REV3L: variants seen among roughly 807,000 people sequenced by gnomAD.
REV3L encodes DNA polymerase zeta catalytic subunit.
Under a neutral mutation model 299.4 loss-of-function variants are expected in REV3L, and 69 were observed. The ratio of observed to expected loss-of-function variants is 0.23; its 90% CI spans 0.19 to 0.28. The LOEUF is 0.28. Among genes scored for constraint, REV3L ranks in the 10% least tolerant of loss-of-function variants. REV3L has a pLI of 1.00. For synonymous variants in REV3L, 1,238 were observed against 1,271.4 expected (o/e 0.97, Z 0.56); for missense variants, 3,128 against 3,693.8 (o/e 0.85, Z 3.97).
At position 111,387,803 on chromosome 6, in the gene REV3L, T is replaced by G. The variant is rs139443633; in HGVS notation, c.1058A>C (p.Asn353Thr). ...SPEMLQCTPA[N>T]MVEVHKDKES... ...TTTGTCTTTGTGAACTTCTACCATA[T>G]TGGCTGGTGTACACTGAAGCATTTC... The change falls in exon 9 of 32, where the codon AAT (asparagine) becomes ACT (threonine). Residue 353 changes from asparagine to threonine, a missense_variant. By Grantham distance (65) the Asn-to-Thr change is moderately conservative (BLOSUM62 0). This residue lies in a region of REV3L where 2,409 missense variants were observed against 2,611.8 expected (regional missense o/e 0.92). Transcript: ENST00000368802. 1.5e-4 allele frequency: 247 copies of G among 1,613,982 alleles called. No individual in the cohort carries two copies. The highest frequency in any genetic ancestry group is 2.0e-4 in the Non-Finnish European group (233 of 1,179,920).
chr6:111,358,620 T>C (rs1397741853), intron 17 of REV3L, among the ~76,000 whole-genome samples: 1 of 152,144 alleles, frequency 6.6e-6, no homozygotes, highest in Non-Finnish European at 1.5e-5. Flanking sequence ...CAGGCACCAC[T>C]GTGCCTGGCT....
chr6:111,336,298 C>T (rs531218560), intron 21 of REV3L, among the ~76,000 whole-genome samples: 3 of 151,814 alleles, frequency 2.0e-5, no homozygotes, highest in Non-Finnish European at 4.4e-5. Context: ...GTAAAAATGA[C>T]CCAGAAGTAT....
chr6:111,385,476 G>A (rs932641593), intron 9 of REV3L, among the ~76,000 whole-genome samples: 1 of 152,048 alleles, frequency 6.6e-6, no homozygotes. Flanking sequence ...GTAAGCACAC[G>A]TAAGCCTTAA....
chr6:111,333,451 C>T, intron 22 of REV3L, 84 bp from the exon 23 acceptor site: 6 of 1,493,092 alleles, frequency 4.0e-6, no homozygotes, highest in Non-Finnish European at 5.4e-6. Flanking sequence ...TGAGGATAAT[C>T]TGCTTTTCAG....
intron 15 of REV3L, 88 bp downstream of exon 15, chr6:111,365,173 TTTAA>T: frequency 1.2e-6 from 1 of 852,372 alleles, no homozygotes. Flanking sequence ...ACCAAAATTT[TTTAA>T]TTGAGACAAA....
At chr6:111,314,669 T>A (rs1206742506) in intron 27 of REV3L, among the ~76,000 whole-genome samples, 2 of 152,156 alleles carry the variant, frequency 1.3e-5, no homozygotes, top group East Asian at 3.8e-4. Context: ...TTGCACCCTG[T>A]CTGCATTCCT....
chr6:111,339,693 T>C (rs1298604119), intron 21 of REV3L, among the ~76,000 whole-genome samples: 3 of 152,282 alleles, frequency 2.0e-5, no homozygotes, highest in African/African-American at 7.2e-5. Flanking sequence ...TAGGCATGAA[T>C]ATAAAAAATA....
At chr6:111,301,505 C>CA (rs201406131) in intron 31 of REV3L, among the ~76,000 whole-genome samples, 1,625 of 124,812 alleles carry the variant, frequency 0.013, 8 homozygotes, top group Middle Eastern at 0.024. Context: ...TGTAAAATTT[C>CA]AAAAAAAAAA....
At chr6:111,415,988 T>C (rs534027468) in intron 2 of REV3L, among the ~76,000 whole-genome samples, 1 of 152,338 alleles carries the variant, frequency 6.6e-6, no homozygotes, top group East Asian at 1.9e-4. Context: ...AGAACAGTGC[T>C]TAGCACATAA....
chr6:111,306,188 T>G (rs1772263315), intron 31 of REV3L, among the ~76,000 whole-genome samples: 1 of 152,038 alleles, frequency 6.6e-6, no homozygotes, highest in South Asian at 2.1e-4. Flanking sequence ...AGGAGCCTAC[T>G]GCAAGGAAGG....
intron 1 of REV3L, among the ~76,000 whole-genome samples, chr6:111,455,945 T>C (rs1251511592): frequency 6.6e-6 from 1 of 152,212 alleles, no homozygotes; most frequent in African/African-American, 2.4e-5. Flanking sequence ...AGATAGAGCA[T>C]CATATCGAAA....
At chr6:111,411,427 T>C (rs1263634035) in intron 3 of REV3L, 53 bp downstream of exon 3, 3 of 1,175,664 alleles carry the variant, frequency 2.6e-6, no homozygotes, top group Non-Finnish European at 3.6e-6. Flanking sequence ...TTTTTTATTA[T>C]TAAAATACTT....
At position 111,377,749 on chromosome 6, in the gene REV3L, C is replaced by T; in HGVS notation, c.1549G>A (p.Ala517Thr). 1 of 1,613,878 alleles carries T rather than the reference C, an allele frequency of 6.2e-7. No homozygotes were observed. Among genetic ancestry groups the T allele is most frequent in the Non-Finnish European group, 8.5e-7 (1 of 1,179,892 alleles). The change falls in exon 12 of 32, where the codon GCC (alanine) becomes ACC (threonine). Residue 517 changes from alanine to threonine, a missense_variant. This residue lies in a region of REV3L where 2,409 missense variants were observed against 2,611.8 expected (regional missense o/e 0.92). Transcript: ENST00000368802. ...TCTAACTGAGGTATAGAAAGACTGG[C>T]TAGAAGCAAACTGTTATCACTCCAT... ...MEWSDNSLLL[A>T]SLSIPQLDGT...
At chr6:111,331,023 TCTA>T in intron 24 of REV3L, 2 of 985,074 alleles carry the variant, frequency 2.0e-6, no homozygotes, top group Non-Finnish European at 2.4e-6. Context: ...CATCAACCAC[TCTA>T]CTGTCTCATG....
rs572877932 is a variant in REV3L at position 111,343,510 on chromosome 6, T to C, written c.7538+415A>G. ...AAGATAAATGCATTTTTCAAAGTCA[T>C]TGAACAATAATACACTTTATTTATT... On this transcript the variant is annotated intron_variant, in intron 21 of 31. Transcript: ENST00000368802. Among the ~76,000 whole-genome samples the C allele has an allele frequency of 2.1e-4, 32 of 152,316 alleles. 1 individual carries two copies. In the South Asian group the frequency reaches 2.7e-3, roughly 13 times the overall value.
chr6:111,470,192 AC>A (rs1562363324), intron 1 of REV3L, among the ~76,000 whole-genome samples: 2 of 38,406 alleles, frequency 5.2e-5, no homozygotes, highest in Admixed American at 6.0e-4. Context: ...ACACACACAC[AC>A]ACACACACAC....
At chr6:111,433,266 T>A (rs199697047) in intron 1 of REV3L, among the ~76,000 whole-genome samples, 22 of 151,752 alleles carry the variant, frequency 1.4e-4, no homozygotes, top group Admixed American at 3.9e-4. Context: ...TTGTTTTTTT[T>A]AAAAAGACAA....
rs56365810 is a variant in REV3L at position 111,375,667 on chromosome 6, G to C, written c.2688C>G (p.Asp896Glu). 2 of 1,613,962 alleles carry C rather than the reference G, an allele frequency of 1.2e-6. No homozygotes were observed. The highest frequency in any genetic ancestry group is 1.7e-6 in the Non-Finnish European group (2 of 1,179,918). Residue 896 changes from aspartate (D) to glutamate (E), a missense_variant, in exon 13 of 32, where the codon GAC becomes GAG. Physicochemically the swap from Asp to Glu is conservative, Grantham distance 45. Transcript: ENST00000368802. ...CTAACGTTCCATCTCCAAAGTGACA[G>C]TCTATAAAACCATCTGTGGGTGTTT... ...ENKTPTDGFIDCHFGDGTLET... is the reference protein window; with the variant it reads ...ENKTPTDGFIECHFGDGTLET...
rs1254921696 is a variant in REV3L, at chr6:111,483,115, G to A, written c.-227C>T. The stretch of plus-strand genomic sequence containing the variant: ...GGGGCCGCAGGAGAGAAGCCCTCGA[G>A]CTTTCGTCGGTGCTGGTGCTGCCGC... On this transcript the variant is annotated 5_prime_UTR_variant, in exon 1 of 32. Transcript: ENST00000368802. The A allele has an allele frequency of 3.9e-6, 2 of 510,896 alleles. No individual in the cohort carries two copies. The highest frequency in any genetic ancestry group is 3.3e-6 in the Non-Finnish European group (1 of 301,494). 31.6% of individuals were successfully genotyped at this position (510,896 alleles called of 1,614,324 possible).
Sources: gnomAD v4.1 joint callset for allele counts (sites outside exome capture counted in the v4.1 genomes callset) on GRCh38, gnomAD v4.1.1 for gene constraint, gnomAD v4.1.1 regional missense constraint, MANE v1.5 for transcripts, NCBI Gene and HGNC (gene_info 2026-07-23, HGNC 2026-07-21) for gene names.